The following TIMMDC1 variants were observed in gnomAD, a reference collection of about 807,000 sequenced individuals.
TIMMDC1 encodes translocase of inner mitochondrial membrane domain containing 1, also known as complex I assembly factor TIMMDC1, mitochondrial.
In TIMMDC1, 25 loss-of-function variants were observed where a neutral mutation model predicts 32.6. The ratio of observed to expected loss-of-function variants is 0.77; its 90% CI spans 0.56 to 1.07. The LOEUF is 1.07. Ranked by LOEUF, TIMMDC1 falls within the 50% of genes least tolerant of loss-of-function variation. The probability of loss-of-function intolerance (pLI) is 0.00; values close to 1 mark genes in which losing one functional copy is unlikely to be tolerated. For synonymous variants in TIMMDC1, 130 were observed against 127.6 expected, an observed-to-expected ratio of 1.02 and a Z score of -0.13; for missense variants, 329 against 349.2, an observed-to-expected ratio of 0.94 and a Z score of 0.46.
chr3:119,503,739 T>A, intron 3 of TIMMDC1, 119 bp downstream of exon 3: 1 of 74,268 alleles, frequency 1.3e-5, no homozygotes, highest in Non-Finnish European at 1.9e-5. Context: ...TAATAATGCC[T>A]TTTTTTTTTT....
At position 119,513,852 on chromosome 3, in the gene TIMMDC1, G is replaced by A. The variant is rs116035926; in HGVS notation, c.596+133G>A. 2,477 of 575,096 alleles carry A rather than the reference G, an allele frequency of 4.3e-3. 55 individuals carry two copies. The African/African-American group carries it at 0.044, about 10-fold the overall frequency. 35.6% of individuals were successfully genotyped at this position (575,096 alleles called of 1,614,324 possible). A position where few individuals can be genotyped will look rare whatever the true frequency, so the allele number is the denominator to read the frequency against. ...ATAAAAGATCTCTAGTCTTGCATTG[G>A]CAGTAGCTTTGACTGTCCATTCTAA... is the stretch of plus-strand genomic sequence containing the variant. On this transcript the variant is annotated intron_variant, in intron 5 of 6. Coordinates refer to ENST00000494664, the MANE Select transcript of TIMMDC1 (RefSeq NM_016589.4).
intron 4 of TIMMDC1, among the ~76,000 whole-genome samples, chr3:119,509,160 C>T (rs1001260949): frequency 4.0e-5 from 6 of 151,760 alleles, no homozygotes; most frequent in African/African-American, 4.8e-5. Flanking sequence ...GAGCTGAGAT[C>T]GCGCCACTGC....
At chr3:119,517,392 T>C (rs1404163020) in intron 6 of TIMMDC1, 77 bp downstream of exon 6, 11 of 918,418 alleles carry the variant, frequency 1.2e-5, no homozygotes, top group African/African-American at 9.9e-5. Context: ...TTTAAACTTA[T>C]GTACTCTAAA....
intron 1 of TIMMDC1, among the ~76,000 whole-genome samples, chr3:119,499,356 TC>T (rs1208567856): frequency 1.3e-5 from 2 of 151,530 alleles, no homozygotes; most frequent in Non-Finnish European, 2.9e-5. Context: ...TACCTCGGCC[TC>T]CCAAAGTGCT....
At chr3:119,522,804 TTGTGTGTGTGTGTG>T (rs71156752) in intron 6 of TIMMDC1, among the ~76,000 whole-genome samples, 15,789 of 148,710 alleles carry the variant, frequency 0.11, 1,988 homozygotes, top group African/African-American at 0.31. Context: ...GTATGGGTGT[TTGTGTGTGTGTGTG>T]TGTGTGTGTG....
intron 5 of TIMMDC1, among the ~76,000 whole-genome samples, chr3:119,515,517 A>G (rs2081980457): frequency 6.6e-6 from 1 of 152,194 alleles, no homozygotes; most frequent in Non-Finnish European, 1.5e-5. Flanking sequence ...CCTTAATTAC[A>G]TTTCTGAAAT....
chr3:119,514,758 T>G (rs773995309), intron 5 of TIMMDC1, among the ~76,000 whole-genome samples: 15 of 152,198 alleles, frequency 9.9e-5, no homozygotes, highest in Non-Finnish European at 1.5e-4. Context: ...CTTGTAGTTC[T>G]GTAGATTATA....
chr3:119,502,344 C>G (rs1339995857), intron 2 of TIMMDC1, among the ~76,000 whole-genome samples: 1 of 151,888 alleles, frequency 6.6e-6, no homozygotes, highest in African/African-American at 2.4e-5. Flanking sequence ...ATTCTCCTGT[C>G]TCAGCCTCCC....
In TIMMDC1 at chr3:119,524,498, A is replaced by C. The variant is rs1037448909; in HGVS notation, c.*742A>C. The C allele has an allele frequency of 3.9e-5, 6 of 152,252 alleles. No homozygotes were observed. The highest frequency in any genetic ancestry group is 2.0e-4 in the Admixed American group (3 of 15,280). The allele number at this position is 152,252 out of a possible 1,614,324, so 9.4% of individuals were successfully genotyped here. ...TGTTGGTGTTAGACCTCTCTGCCCT[A>C]CACTGAGAATATAGTTTTACACAGG... On this transcript the variant is annotated 3_prime_UTR_variant, in exon 7 of 7. Transcript: ENST00000494664.
chr3:119,507,252 G>A (rs889608772), intron 4 of TIMMDC1, among the ~76,000 whole-genome samples: 2 of 152,084 alleles, frequency 1.3e-5, no homozygotes, highest in African/African-American at 4.8e-5. Context: ...TGGTGTTCTA[G>A]TACACTTATA....
chr3:119,505,221 A>G (rs551779613), intron 4 of TIMMDC1, among the ~76,000 whole-genome samples: 2 of 152,322 alleles, frequency 1.3e-5, no homozygotes, highest in East Asian at 1.9e-4. Flanking sequence ...TATGTGTACA[A>G]TTTTTACTTG....
At chr3:119,501,047 C>CT (rs1341218214) in intron 2 of TIMMDC1, among the ~76,000 whole-genome samples, 187 bp downstream of exon 2, 1 of 152,220 alleles carries the variant, frequency 6.6e-6, no homozygotes, top group Non-Finnish European at 1.5e-5. Context: ...TGAGAGACTA[C>CT]TTTGTTATCT....
chr3:119,504,083 A>C, intron 4 of TIMMDC1, 62 bp downstream of exon 4: 7 of 1,254,252 alleles, frequency 5.6e-6, no homozygotes, highest in Non-Finnish European at 8.1e-6. Context: ...ATGTGTAAGG[A>C]CTTATACATC....
rs114311846 is a variant in TIMMDC1, at chr3:119,500,235, A to G, written c.195-460A>G. 8.2e-3 allele frequency: 1,258 copies of G among 152,568 alleles called. 23 individuals carry two copies. The highest frequency in any genetic ancestry group is 0.028 in the African/African-American group (1,173 of 41,586). The allele number at this position is 152,568 out of a possible 1,614,324, so 9.5% of individuals were successfully genotyped here. On this transcript the variant is annotated intron_variant, in intron 1 of 6. Coordinates refer to ENST00000494664, the MANE Select transcript of TIMMDC1 (RefSeq NM_016589.4). ...AAAGTTAACTTAAGATTTAAACGGA[A>G]ATATTGGTCTCTCTATCCAACTCAC...
intron 4 of TIMMDC1, among the ~76,000 whole-genome samples, chr3:119,506,544 A>G (rs1242875751): frequency 1.3e-5 from 2 of 151,606 alleles, no homozygotes; most frequent in Non-Finnish European, 2.9e-5. Flanking sequence ...ACTAGAAACC[A>G]AGGAATGATA....
At chr3:119,517,979 C>CT (rs71812615) in intron 6 of TIMMDC1, among the ~76,000 whole-genome samples, 10,574 of 134,084 alleles carry the variant, frequency 0.079, 433 homozygotes, top group South Asian at 0.14. Context: ...AAAAAAGTGA[C>CT]TTTTTTTTTT....
chr3:119,501,439 A>C (rs895257998), intron 2 of TIMMDC1, among the ~76,000 whole-genome samples: 3 of 152,194 alleles, frequency 2.0e-5, no homozygotes, highest in African/African-American at 7.2e-5. Flanking sequence ...CCCTCTGTAT[A>C]ATATGTACTA....
chr3:119,501,894 A>T (rs1577095177), intron 2 of TIMMDC1, among the ~76,000 whole-genome samples: 1 of 152,140 alleles, frequency 6.6e-6, no homozygotes, highest in East Asian at 1.9e-4. Flanking sequence ...GTTTCTCATG[A>T]CTGCATTCAG....
chr3:119,517,510 T>A (rs2081993807), intron 6 of TIMMDC1, among the ~76,000 whole-genome samples, 195 bp downstream of exon 6: 1 of 152,202 alleles, frequency 6.6e-6, no homozygotes, highest in African/African-American at 2.4e-5. Flanking sequence ...AGAGATTGAT[T>A]TTAGTTTTAA....
Sources: allele counts gnomAD v4.1 joint callset (sites outside exome capture counted in the v4.1 genomes callset), GRCh38; gene constraint gnomAD v4.1.1; transcripts MANE v1.5; gene names NCBI Gene and HGNC (gene_info 2026-07-23, HGNC 2026-07-21).